Variants in MDGA2 observed in about 807,000 individuals in gnomAD.
The protein encoded by MDGA2 is MAM domain containing glycosylphosphatidylinositol anchor 2, also known as MAM domain-containing glycosylphosphatidylinositol anchor protein 2.
Under a neutral mutation model 117.8 loss-of-function variants are expected in MDGA2, and 40 were observed. That is an observed-to-expected ratio of 0.34 (90% CI 0.26 to 0.44). The LOEUF (loss-of-function observed/expected upper bound fraction) is 0.44. Among genes scored for constraint, MDGA2 ranks in the 20% least tolerant of loss-of-function variants. MDGA2 has a pLI of 1.00. For missense variants in MDGA2, 1,123 were observed against 1,250.6 expected (o/e 0.90, Z 1.54); for synonymous variants, 452 against 439.0 (o/e 1.03, Z -0.37).
At chr14:47,609,976 C>G (rs1346142065) in intron 1 of MDGA2, among the ~76,000 whole-genome samples, 1 of 151,912 alleles carries the variant, frequency 6.6e-6, no homozygotes. Context: ...TAACACAATA[C>G]TAGCTAACGG....
At chr14:47,041,842 A>G (rs1397660006) in intron 7 of MDGA2, among the ~76,000 whole-genome samples, 1 of 152,130 alleles carries the variant, frequency 6.6e-6, no homozygotes, top group East Asian at 1.9e-4. Flanking sequence ...CTATGTGGAA[A>G]AATATCATGC....
chr14:46,915,499 C>T (rs1181789558), intron 10 of MDGA2, among the ~76,000 whole-genome samples: 3 of 152,092 alleles, frequency 2.0e-5, no homozygotes, highest in Non-Finnish European at 4.4e-5. Flanking sequence ...AGATAAAATC[C>T]TATCACTCAT....
chr14:47,624,196 G>A (rs1000093112), intron 1 of MDGA2, among the ~76,000 whole-genome samples: 3 of 152,108 alleles, frequency 2.0e-5, no homozygotes, highest in Non-Finnish European at 4.4e-5. Context: ...GGTAGCTCAC[G>A]CCTGTAATCC....
intron 8 of MDGA2, among the ~76,000 whole-genome samples, chr14:46,991,836 A>G (rs1887103810): frequency 6.6e-6 from 1 of 152,150 alleles, no homozygotes; most frequent in Non-Finnish European, 1.5e-5. Context: ...TACACTAGCT[A>G]GATCACTTGG....
At chr14:46,984,004 G>A (rs1035395086) in intron 8 of MDGA2, among the ~76,000 whole-genome samples, 7 of 151,920 alleles carry the variant, frequency 4.6e-5, no homozygotes, top group Admixed American at 4.6e-4. Flanking sequence ...ATATAGTGCT[G>A]TAAGTATATT....
At chr14:47,482,912 A>G (rs527676420) in intron 1 of MDGA2, among the ~76,000 whole-genome samples, 2 of 151,932 alleles carry the variant, frequency 1.3e-5, no homozygotes, top group South Asian at 2.1e-4. Flanking sequence ...TGAAAAAAAA[A>G]AAAAGAGAAA....
In MDGA2 at chr14:47,413,670, GT is replaced by G. The variant is rs11422937; in HGVS notation, c.281-112121del. Among the ~76,000 whole-genome samples, 434 of 144,878 alleles carry G rather than the reference GT, an allele frequency of 3.0e-3. 1 individual carries two copies. Among genetic ancestry groups the G allele is most frequent in the African/African-American group, 8.7e-3 (347 of 39,866 alleles). Reference sequence around the variant, plus strand: ...TATTTATTATAAGTAATAGTTTTTGGTTTTTTTTTTTTTACTTTGAGAAAAC... The same window carrying G: ...TATTTATTATAAGTAATAGTTTTTGGTTTTTTTTTTTTACTTTGAGAAAAC... On this transcript the variant is annotated intron_variant, in intron 1 of 16. Coordinates refer to ENST00000399232, the MANE Select transcript of MDGA2 (RefSeq NM_001113498.3).
At chr14:47,012,069 G>A (rs1288029679) in intron 8 of MDGA2, among the ~76,000 whole-genome samples, 1 of 151,956 alleles carries the variant, frequency 6.6e-6, no homozygotes, top group Non-Finnish European at 1.5e-5. Context: ...CAATCTCCAT[G>A]TATGTCAGGA....
intron 2 of MDGA2, among the ~76,000 whole-genome samples, chr14:47,296,597 T>C (rs1037440168): frequency 5.9e-5 from 9 of 152,224 alleles, no homozygotes; most frequent in Admixed American, 6.5e-5. Context: ...GAGTGTAATT[T>C]ACTTTCTTGA....
intron 1 of MDGA2, among the ~76,000 whole-genome samples, chr14:47,541,937 T>C (rs1425831354): frequency 1.3e-5 from 2 of 152,224 alleles, no homozygotes; most frequent in Admixed American, 1.3e-4. Context: ...ATACTGGTGC[T>C]GTCACTCATT....
intron 1 of MDGA2, among the ~76,000 whole-genome samples, chr14:47,413,106 G>C (rs1001958058): frequency 7.9e-5 from 12 of 151,892 alleles, no homozygotes; most frequent in African/African-American, 2.7e-4. Flanking sequence ...ATTAATATTT[G>C]AGCCATATTT....
intron 2 of MDGA2, among the ~76,000 whole-genome samples, chr14:47,276,104 TATG>T (rs1418766950): frequency 6.6e-6 from 1 of 152,118 alleles, no homozygotes; most frequent in Non-Finnish European, 1.5e-5. Flanking sequence ...TTGTCACCTA[TATG>T]ATTTTATTTG....
At chr14:47,392,279 C>T (rs1228100603) in intron 1 of MDGA2, among the ~76,000 whole-genome samples, 1 of 152,070 alleles carries the variant, frequency 6.6e-6, no homozygotes, top group East Asian at 1.9e-4. Flanking sequence ...AAATCATTAA[C>T]TTTTATCATT....
intron 1 of MDGA2, among the ~76,000 whole-genome samples, chr14:47,421,005 G>A (rs1463186236): frequency 6.6e-6 from 1 of 151,992 alleles, no homozygotes; most frequent in African/African-American, 2.4e-5. Context: ...ATATAGTACA[G>A]CAAATAGACT....
chr14:47,381,325 A>C (rs137934313), intron 1 of MDGA2, among the ~76,000 whole-genome samples: 1 of 151,988 alleles, frequency 6.6e-6, no homozygotes, highest in Admixed American at 6.6e-5. Flanking sequence ...CTCTCTCACC[A>C]CTCCTATTCA....
chr14:47,251,983 C>G (rs536693057), intron 2 of MDGA2, among the ~76,000 whole-genome samples: 1 of 151,820 alleles, frequency 6.6e-6, no homozygotes, highest in Non-Finnish European at 1.5e-5. Context: ...AAAGGTGCTA[C>G]TGGAAATAAG....
chr14:47,592,911 T>G (rs1300344501), intron 1 of MDGA2, among the ~76,000 whole-genome samples: 1 of 152,094 alleles, frequency 6.6e-6, no homozygotes, highest in Non-Finnish European at 1.5e-5. Context: ...CTAAAGAACT[T>G]CTGCACAGCA....
intron 15 of MDGA2, among the ~76,000 whole-genome samples, chr14:46,846,744 A>C (rs1265114687): frequency 5.9e-5 from 9 of 152,134 alleles, no homozygotes; most frequent in Admixed American, 3.9e-4. Context: ...TTGATACTGT[A>C]AGGCAATTCA....
intron 3 of MDGA2, among the ~76,000 whole-genome samples, chr14:47,178,153 G>A (rs927623355): frequency 6.6e-6 from 1 of 151,974 alleles, no homozygotes; most frequent in Admixed American, 6.6e-5. Context: ...AAAGTTAAAG[G>A]CATTAAGTAA....
Sources: gnomAD v4.1 joint callset for allele counts (sites outside exome capture counted in the v4.1 genomes callset) on GRCh38, gnomAD v4.1.1 for gene constraint, MANE v1.5 for transcripts, NCBI Gene and HGNC (gene_info 2026-07-23, HGNC 2026-07-21) for gene names.